SDSL: variants seen among roughly 807,000 people sequenced by gnomAD.
The protein encoded by SDSL is serine dehydratase like, also known as serine dehydratase-like.
In SDSL, 26 loss-of-function variants were observed where a neutral mutation model predicts 27.6. The ratio of observed to expected loss-of-function variants is 0.94; its 90% CI spans 0.69 to 1.31. The LOEUF is 1.31. Ranked by LOEUF, SDSL falls within the 50% of genes most tolerant of loss-of-function variation. SDSL has a pLI of 0.00. For synonymous variants in SDSL, 196 were observed against 180.6 expected (o/e 1.09, Z -0.69); for missense variants, 431 against 423.5 (o/e 1.02, Z -0.16).
Position 113,429,285 on chromosome 12 carries a change from C to A in SDSL, c.340C>A (p.Gln114Lys), listed in dbSNP as rs1458012883. Reference sequence around the variant, plus strand: ...GCTGCAGGGGGAGGGGGCCGAGGTTCAGCTGACTGGAAAGGTAAGGGCTCT... The same window carrying A: ...GCTGCAGGGGGAGGGGGCCGAGGTTAAGCTGACTGGAAAGGTAAGGGCTCT... Reference protein sequence around the residue: ...QRLQGEGAEVQLTGKVWDEAN... With the variant: ...QRLQGEGAEVKLTGKVWDEAN... Residue 114 changes from glutamine to lysine, a missense_variant, in exon 4 of 8, where the codon CAG becomes AAG. Transcript: ENST00000403593. The A allele has an allele frequency of 6.2e-7, 1 of 1,611,008 alleles. No individual in the cohort carries two copies. Among genetic ancestry groups the A allele is most frequent in the Non-Finnish European group, 8.5e-7 (1 of 1,177,576 alleles).
Position 113,438,044 on chromosome 12 carries a change from C to A in SDSL, c.955C>A (p.Leu319Met). Residue 319 changes from leucine (L) to methionine (M), a missense_variant, in exon 8 of 8, where the codon CTG becomes ATG. Transcript: ENST00000403593. The part of the protein sequence containing the change: ...CGGNNINSRE[L>M]QALKTHLGQV ...AGGCAACAACATCAACAGCCGAGAGCTGCAGGCTTTGAAAACCCACCTGGG... is the reference window on the plus strand; with the variant it reads ...AGGCAACAACATCAACAGCCGAGAGATGCAGGCTTTGAAAACCCACCTGGG... 1 of 1,614,094 alleles carries A rather than the reference C, an allele frequency of 6.2e-7. No individual in the cohort carries two copies. The highest frequency in any genetic ancestry group is 1.7e-4 in the Middle Eastern group (1 of 6,060).
At chr12:113,432,256 CTT>C (rs1235852824) in intron 4 of SDSL, among the ~76,000 whole-genome samples, 2 of 140,648 alleles carry the variant, frequency 1.4e-5, no homozygotes, top group African/African-American at 5.5e-5. Flanking sequence ...TTCTTTCTTT[CTT>C]TCTTTCTTTC....
In SDSL at chr12:113,436,886, C is replaced by G; in HGVS notation, c.796+11C>G. The G allele has an allele frequency of 6.4e-6, 10 of 1,571,258 alleles. No individual in the cohort carries two copies. Among genetic ancestry groups the G allele is most frequent in the Non-Finnish European group, 8.6e-6 (10 of 1,161,800 alleles). ...TGCAGCAGCTCCTGGGTGAGTGATC[C>G]CTGTCCTCCACCTGGGCTCAGAGAC... is the stretch of plus-strand genomic sequence containing the variant. On this transcript the variant is annotated intron_variant, in intron 7 of 7. Coordinates refer to ENST00000403593, the MANE Select transcript of SDSL (RefSeq NM_001304993.2).
chr12:113,433,216 A>G (rs1471933206), intron 4 of SDSL, among the ~76,000 whole-genome samples: 3 of 152,156 alleles, frequency 2.0e-5, no homozygotes, highest in African/African-American at 7.2e-5. Context: ...GTCAGAGACC[A>G]TTTCTTGGCT....
rs986842124 is a variant in SDSL, at chr12:113,435,426, G to A, written c.541G>A (p.Gly181Arg). 8 of 1,613,418 alleles carry A rather than the reference G, an allele frequency of 5.0e-6. No individual in the cohort carries two copies. Among genetic ancestry groups the A allele is most frequent in the African/African-American group, 4.0e-5 (3 of 74,920 alleles). The change falls in exon 6 of 8, where the codon GGG becomes AGG. Residue 181 changes from glycine (G) to arginine (R), a missense_variant. Physicochemically the swap from Gly to Arg is moderately radical, Grantham distance 125. Transcript: ENST00000403593. ...LAVGGGGLLAGVVAGLLEVGW... is the reference protein window; with the variant it reads ...LAVGGGGLLARVVAGLLEVGW... Reference sequence around the variant, plus strand: ...AGTTGGGGGTGGGGGTCTCCTGGCCGGGGTGGTGGCTGGCCTGCTGGAGGT... The same window carrying A: ...AGTTGGGGGTGGGGGTCTCCTGGCCAGGGTGGTGGCTGGCCTGCTGGAGGT...
chr12:113,426,165 C>T (rs1172411986), intron 1 of SDSL: 2 of 456,010 alleles, frequency 4.4e-6, no homozygotes, highest in Non-Finnish European at 8.8e-6. Context: ...GCCCCAAACC[C>T]CTTCTGTCTG....
chr12:113,428,381 G>A, intron 2 of SDSL, 39 bp from the exon 3 acceptor site: 1 of 1,595,672 alleles, frequency 6.3e-7, no homozygotes, highest in Non-Finnish European at 8.5e-7. Flanking sequence ...CATGACACCT[G>A]CTTGGGTTAG....
At chr12:113,432,199 T>G (rs1000425035) in intron 4 of SDSL, among the ~76,000 whole-genome samples, 14 of 151,572 alleles carry the variant, frequency 9.2e-5, no homozygotes, top group African/African-American at 3.4e-4. Flanking sequence ...CTGACAGGTT[T>G]GTTTGTTTGC....
rs1441695373 is a variant in SDSL, at chr12:113,432,272, CTTTCTTTCTTTCTTTCTT to C, written c.355-1860_355-1843del. 2.7e-3 allele frequency among the ~76,000 whole-genome samples: 347 copies of C among 129,798 alleles called. 5 individuals carry two copies. The highest frequency in any genetic ancestry group is 8.6e-3 in the African/African-American group (286 of 33,438). The allele number at this position is 129,798 out of a possible 152,430, so 85.2% of individuals were successfully genotyped here. Reference sequence around the variant, plus strand: ...TCTTTCTTTCTTTCTTTCTTTCTTTCTTTCTTTCTTTCTTTCTTTCTCTCTCTCTCTTTCTGTCTCTCT... The same window carrying C: ...TCTTTCTTTCTTTCTTTCTTTCTTTCTCTCTCTCTCTCTTTCTGTCTCTCT... On this transcript the variant is annotated intron_variant, in intron 4 of 7. Transcript: ENST00000403593.
intron 1 of SDSL, among the ~76,000 whole-genome samples, chr12:113,424,213 G>C (rs986066958): frequency 6.6e-6 from 1 of 151,970 alleles, no homozygotes; most frequent in African/African-American, 2.4e-5. Flanking sequence ...GTAGAGACGG[G>C]GTTTCTCCAT....
chr12:113,437,581 A>G (rs920882558), intron 7 of SDSL, among the ~76,000 whole-genome samples: 5 of 152,140 alleles, frequency 3.3e-5, no homozygotes, highest in African/African-American at 1.2e-4. Context: ...ATGGATGGCT[A>G]TGAATGGGTG....
In SDSL at chr12:113,429,310, T is replaced by C. The variant is rs372106218; in HGVS notation, c.354+11T>C. On this transcript the variant is annotated intron_variant, in intron 4 of 7. Coordinates refer to ENST00000403593, the MANE Select transcript of SDSL (RefSeq NM_001304993.2). ...CAGCTGACTGGAAAGGTAAGGGCTCTGGGAAGGGGAGAACCATCTGGGTGG... is the reference window on the plus strand; with the variant it reads ...CAGCTGACTGGAAAGGTAAGGGCTCCGGGAAGGGGAGAACCATCTGGGTGG... 3 of 1,601,270 alleles carry C rather than the reference T, an allele frequency of 1.9e-6. No individual in the cohort carries two copies. In the African/African-American group the frequency reaches 4.0e-5, roughly 21 times the overall value.
intron 4 of SDSL, among the ~76,000 whole-genome samples, chr12:113,430,578 A>C (rs1045220740): frequency 1.3e-5 from 2 of 152,126 alleles, no homozygotes; most frequent in African/African-American, 4.8e-5. Context: ...GGGCAATGGC[A>C]AGAGGGGTGA....
intron 4 of SDSL, 135 bp downstream of exon 4, chr12:113,429,434 G>A: frequency 3.0e-6 from 3 of 998,026 alleles, no homozygotes; most frequent in African/African-American, 1.6e-5. Flanking sequence ...GGATAGCTGA[G>A]CTGAGGGGGG....
At chr12:113,432,209 CTTCTTTCTTTCTTTCTTTCT>C (rs71086169) in intron 4 of SDSL, among the ~76,000 whole-genome samples, 19,916 of 102,502 alleles carry the variant, frequency 0.19, 2,144 homozygotes, top group Non-Finnish European at 0.21. Context: ...TGTTTGTTTG[CTTCTTTCTTTCTTTCTTTCT>C]TTCTTTCTTT....
At chr12:113,434,264 G>C in intron 5 of SDSL, 42 bp downstream of exon 5, 1 of 1,452,770 alleles carries the variant, frequency 6.9e-7, no homozygotes, top group Non-Finnish European at 9.5e-7. Context: ...AGAGCTGGGA[G>C]ACCTTCACTG....
At position 113,436,835 on chromosome 12, in the gene SDSL, G is replaced by C; in HGVS notation, c.756G>C (p.Val252=). 1 of 1,611,790 alleles carries C rather than the reference G, an allele frequency of 6.2e-7. No individual in the cohort carries two copies. The highest frequency in any genetic ancestry group is 1.1e-5 in the South Asian group (1 of 90,824). Reference sequence around the variant, plus strand: ...TGTGCAAGATTCACTCTGAAGTGGTGGAGGACACCGAGGCTGTGAGCGCTG... The same window carrying C: ...TGTGCAAGATTCACTCTGAAGTGGTCGAGGACACCGAGGCTGTGAGCGCTG... The part of the protein sequence containing the change: ...MQVCKIHSEV[V]EDTEAVSAVQ... Residue 252 remains valine, a synonymous_variant, in exon 7 of 8, where the codon GTG becomes GTC. Transcript: ENST00000403593.
chr12:113,424,402 T>C (rs1957825115), intron 1 of SDSL, among the ~76,000 whole-genome samples: 2 of 152,206 alleles, frequency 1.3e-5, no homozygotes, highest in Non-Finnish European at 1.5e-5. Context: ...CTTGTTCTTC[T>C]CTTTAGGACT....
intron 6 of SDSL, 62 bp from the exon 7 acceptor site, chr12:113,436,689 C>T (rs951611816): frequency 7.4e-6 from 11 of 1,476,672 alleles, no homozygotes; most frequent in Non-Finnish European, 9.8e-6. Flanking sequence ...GGGGAGAGAC[C>T]TGTTTCACCA....
Sources: gnomAD v4.1 joint callset for allele counts (sites outside exome capture counted in the v4.1 genomes callset) on GRCh38, gnomAD v4.1.1 for gene constraint, MANE v1.5 for transcripts, NCBI Gene and HGNC (gene_info 2026-07-23, HGNC 2026-07-21) for gene names.